RALGAPA2: variants seen among roughly 807,000 people sequenced by gnomAD.
RALGAPA2 encodes the protein ral GTPase-activating protein subunit alpha-2.
RALGAPA2 carries 139 observed loss-of-function variants against 230.4 expected under a neutral mutation model. The observed-to-expected ratio is 0.60, with a 90% confidence interval of 0.53 to 0.69. The LOEUF (loss-of-function observed/expected upper bound fraction) is 0.69. Among genes scored for constraint, RALGAPA2 ranks in the 30% least tolerant of loss-of-function variants. RALGAPA2 has a pLI of 0.00. For synonymous variants in RALGAPA2, 847 were observed against 837.8 expected (o/e 1.01, Z -0.19); for missense variants, 2,163 against 2,276.0 (o/e 0.95, Z 1.01).
chr20:20,427,517 A>G (rs931397215), intron 37 of RALGAPA2, among the ~76,000 whole-genome samples: 17 of 151,980 alleles, frequency 1.1e-4, no homozygotes, highest in African/African-American at 3.9e-4. Flanking sequence ...CCGACCGGCT[A>G]GCCCAGGGGC....
intron 38 of RALGAPA2, among the ~76,000 whole-genome samples, chr20:20,400,486 T>A (rs907021721): frequency 6.6e-6 from 1 of 152,166 alleles, no homozygotes; most frequent in Non-Finnish European, 1.5e-5. Flanking sequence ...TTCCTGGCAT[T>A]TTTTTCTTTC....
intron 9 of RALGAPA2, among the ~76,000 whole-genome samples, chr20:20,631,383 A>G (rs1309550783): frequency 6.6e-6 from 1 of 152,210 alleles, no homozygotes; most frequent in African/African-American, 2.4e-5. Flanking sequence ...CAAAAGAGAC[A>G]TAACAGATGT....
intron 37 of RALGAPA2, among the ~76,000 whole-genome samples, chr20:20,418,478 C>T (rs1433688134): frequency 6.6e-6 from 1 of 152,144 alleles, no homozygotes; most frequent in East Asian, 1.9e-4. Flanking sequence ...GCTGGCAATT[C>T]CGCTCCTCAG....
chr20:20,619,497 TA>T, intron 11 of RALGAPA2, 83 bp from the exon 12 acceptor site: 1 of 1,031,280 alleles, frequency 9.7e-7, no homozygotes, highest in Non-Finnish European at 1.2e-6. Flanking sequence ...TTAAATATAT[TA>T]TATAAACTAA....
chr20:20,440,890 T>C (rs952689959), intron 37 of RALGAPA2, among the ~76,000 whole-genome samples: 4 of 152,252 alleles, frequency 2.6e-5, no homozygotes, highest in South Asian at 2.1e-4. Flanking sequence ...TTGTTGATCA[T>C]TGAACAATGT....
At chr20:20,522,844 A>G (rs149270155) in intron 30 of RALGAPA2, among the ~76,000 whole-genome samples, 1,538 of 152,390 alleles carry the variant, frequency 0.01, 17 homozygotes, top group South Asian at 0.034. Flanking sequence ...GAAAGAACTC[A>G]GAAAAGAGAT....
chr20:20,584,802 G>T, intron 19 of RALGAPA2, 63 bp downstream of exon 19: 1 of 1,250,716 alleles, frequency 8.0e-7, no homozygotes, highest in Non-Finnish European at 1.1e-6. Flanking sequence ...ATAATAAAAT[G>T]TAAAAAGAAA....
At chr20:20,697,808 C>T (rs1391857556) in intron 1 of RALGAPA2, among the ~76,000 whole-genome samples, 19 of 152,104 alleles carry the variant, frequency 1.2e-4, no homozygotes, top group Admixed American at 7.9e-4. Flanking sequence ...ACAAAAAACA[C>T]GGAACCAAAG....
At chr20:20,503,531 G>C in intron 34 of RALGAPA2, 25 bp from the exon 35 acceptor site, 1 of 1,497,942 alleles carries the variant, frequency 6.7e-7, no homozygotes, top group Non-Finnish European at 8.9e-7. Context: ...AAAGAAGAAA[G>C]AGTGAGGATC....
chr20:20,519,454 G>A (rs752019283), intron 31 of RALGAPA2, among the ~76,000 whole-genome samples: 11 of 152,028 alleles, frequency 7.2e-5, no homozygotes, highest in Non-Finnish European at 1.5e-4. Context: ...TTCCACTAAG[G>A]GCCTCACAAA....
At chr20:20,524,973 G>A (rs1368699350) in intron 28 of RALGAPA2, 75 bp from the exon 29 acceptor site, 7 of 1,367,122 alleles carry the variant, frequency 5.1e-6, no homozygotes, top group South Asian at 3.9e-5. Context: ...GGAGTCCCAC[G>A]ATGGCCTTGC....
At chr20:20,672,389 T>C (rs1052133426) in intron 3 of RALGAPA2, among the ~76,000 whole-genome samples, 4 of 152,058 alleles carry the variant, frequency 2.6e-5, no homozygotes, top group Non-Finnish European at 4.4e-5. Context: ...CTACAAAATA[T>C]GAAATATTAC....
intron 16 of RALGAPA2, among the ~76,000 whole-genome samples, chr20:20,595,320 T>C (rs1211168963): frequency 6.6e-6 from 1 of 152,288 alleles, no homozygotes; most frequent in Non-Finnish European, 1.5e-5. Flanking sequence ...AATAGTATAA[T>C]TTCCTAATTT....
intron 36 of RALGAPA2, among the ~76,000 whole-genome samples, chr20:20,483,891 G>A (rs2061842373): frequency 6.6e-6 from 1 of 152,216 alleles, no homozygotes; most frequent in Non-Finnish European, 1.5e-5. Flanking sequence ...GATATTCAGA[G>A]AGAGCTATAC....
chr20:20,675,093 C>G (rs2068272237), intron 3 of RALGAPA2, among the ~76,000 whole-genome samples: 1 of 152,130 alleles, frequency 6.6e-6, no homozygotes, highest in Non-Finnish European at 1.5e-5. Flanking sequence ...AAGTAACACA[C>G]TTAATTAAAG....
intron 18 of RALGAPA2, among the ~76,000 whole-genome samples, chr20:20,585,915 G>GA (rs942337630): frequency 2.6e-5 from 4 of 151,368 alleles, no homozygotes; most frequent in African/African-American, 4.9e-5. Context: ...GGCAAAACTG[G>GA]AAAAAAAATT....
chr20:20,576,794 C>T (rs749964734), intron 20 of RALGAPA2, among the ~76,000 whole-genome samples: 13 of 151,998 alleles, frequency 8.6e-5, no homozygotes, highest in Admixed American at 7.2e-4. Flanking sequence ...GAATAGCATA[C>T]TGTATTATTT....
At chr20:20,637,288 A>T in intron 8 of RALGAPA2, 75 bp downstream of exon 8, 1 of 1,205,642 alleles carries the variant, frequency 8.3e-7, no homozygotes, top group Non-Finnish European at 1.1e-6. Flanking sequence ...CTTTAAAATA[A>T]TCAAAGGTCA....
At chr20:20,465,197 A>T (rs58599859) in intron 37 of RALGAPA2, among the ~76,000 whole-genome samples, 3,603 of 147,424 alleles carry the variant, frequency 0.024, 131 homozygotes, top group African/African-American at 0.084. Context: ...ACACACACAC[A>T]CTCTCTCATA....
Sources: allele counts gnomAD v4.1 joint callset (sites outside exome capture counted in the v4.1 genomes callset), GRCh38; gene constraint gnomAD v4.1.1; transcripts MANE v1.5; gene names NCBI Gene and HGNC (gene_info 2026-07-23, HGNC 2026-07-21).